The following S100A13 variants were observed in gnomAD, a reference collection of about 807,000 sequenced individuals.
The protein encoded by S100A13 is protein S100-A13.
A neutral mutation model predicts 8.2 loss-of-function variants in S100A13; 6 were observed. The observed-to-expected ratio is 0.73, with a 90% CI of 0.40 to 1.44. The LOEUF (loss-of-function observed/expected upper bound fraction) is 1.44, where lower values mean the gene tolerates loss of function less well. Among genes scored for constraint, S100A13 ranks in the 40% most tolerant of loss-of-function variants. S100A13 has a pLI of 0.02. For missense variants in S100A13, 114 were observed against 113.6 expected (o/e 1.00, Z -0.02); for synonymous variants, 39 against 45.9 (o/e 0.85, Z 0.61).
chr1:153,625,125 C>A (rs1463715360), intron 2 of S100A13, among the ~76,000 whole-genome samples: 1 of 152,090 alleles, frequency 6.6e-6, no homozygotes, highest in African/African-American at 2.4e-5. Flanking sequence ...GTGGTCCCAG[C>A]TACTTGTGAG....
At chr1:153,632,125 C>T (rs1431719112), upstream of S100A13, 1 of 411,490 alleles carries the variant, frequency 2.4e-6, no homozygotes, top group East Asian at 4.2e-5. Flanking sequence ...GGGGAAGTGT[C>T]TTATTTAGAA....
At chr1:153,625,545 T>C (rs918791915) in intron 2 of S100A13, among the ~76,000 whole-genome samples, 2 of 152,156 alleles carry the variant, frequency 1.3e-5, no homozygotes, top group African/African-American at 4.8e-5. Context: ...TACACTGAGG[T>C]CTATGACTCC....
chr1:153,634,310 G>C (rs532428041), upstream of S100A13: 51 of 153,060 alleles, frequency 3.3e-4, no homozygotes, highest in African/African-American at 1.2e-3. Context: ...CGTGGTGGCA[G>C]CCCCGGGAGG....
chr1:153,619,107 C>A, intron 2 of S100A13, 69 bp from the exon 3 acceptor site: 1 of 1,380,842 alleles, frequency 7.2e-7, no homozygotes, highest in East Asian at 2.3e-5. Flanking sequence ...GAGGGAAGAA[C>A]TGTCAGCTGC....
chr1:153,626,460 G>T lies in S100A13; in HGVS notation c.13C>A (p.Pro5Thr), dbSNP rs1667640663. ...ATGGACTCCTCTAGCTCTGTCAGTG[G>T]TTCTGCTGCCATTAGGACCCTGAGG... MAAE[P>T]LTELEESIET... Residue 5 changes from proline to threonine, a missense_variant, in exon 2 of 3, where the codon CCA becomes ACA. Coordinates refer to ENST00000476133, the MANE Select transcript of S100A13 (RefSeq NM_001024211.2). The T allele has an allele frequency of 6.2e-7, 1 of 1,614,086 alleles. No homozygotes were observed. The highest frequency in any genetic ancestry group is 1.7e-5 in the Admixed American group (1 of 60,006).
chr1:153,619,584 T>G (rs947165884), intron 2 of S100A13, among the ~76,000 whole-genome samples: 1 of 151,952 alleles, frequency 6.6e-6, no homozygotes, highest in Non-Finnish European at 1.5e-5. Flanking sequence ...GGGCATGGAG[T>G]ATCTGGGTTT....
upstream of S100A13, among the ~76,000 whole-genome samples, chr1:153,632,676 C>T (rs1001903315): frequency 6.6e-6 from 1 of 151,962 alleles, no homozygotes; most frequent in African/African-American, 2.4e-5. Flanking sequence ...CGATCCTTAC[C>T]CTCACATGGG....
chr1:153,627,199 C>T (rs1667709186), intron 1 of S100A13: 2 of 152,426 alleles, frequency 1.3e-5, no homozygotes, highest in Admixed American at 1.3e-4. Context: ...CCTCCCCGCT[C>T]CTGTCTCCCG....
At chr1:153,629,959 G>T (rs1411273), upstream of S100A13, 94,264 of 155,466 alleles carry the variant, frequency 0.61, 29,347 homozygotes, top group Admixed American at 0.72. Flanking sequence ...CCCAGAAGGC[G>T]TACGCCACCC....
upstream of S100A13, chr1:153,631,471 G>A (rs760830172): frequency 2.4e-5 from 38 of 1,590,242 alleles, no homozygotes; most frequent in Non-Finnish European, 2.6e-5. Flanking sequence ...TATAGGCACT[G>A]AACATACGGT....
chr1:153,623,943 A>G (rs1010951271), intron 2 of S100A13, among the ~76,000 whole-genome samples: 4 of 152,240 alleles, frequency 2.6e-5, no homozygotes, highest in Non-Finnish European at 4.4e-5. Flanking sequence ...AGAGAGAGAC[A>G]GAATCAACGG....
upstream of S100A13, chr1:153,628,748 C>A (rs566673311): frequency 8.6e-6 from 5 of 580,114 alleles, no homozygotes; most frequent in South Asian, 1.7e-4. Context: ...GGGGAACCCA[C>A]CATGAGCTTC....
At chr1:153,628,460 G>A (rs1667807884), upstream of S100A13, 1 of 1,550,756 alleles carries the variant, frequency 6.4e-7, no homozygotes. Flanking sequence ...TTGGCCATCT[G>A]TCCAGAACCT....
upstream of S100A13, chr1:153,628,922 T>A: frequency 5.8e-6 from 1 of 173,286 alleles, no homozygotes; most frequent in East Asian, 1.6e-4. Context: ...CCTGCCAGCC[T>A]TAGTCTCTGC....
rs1263611071 is a variant in S100A13 at position 153,618,902 on chromosome 1, T to C, written c.290A>G (p.Lys97Arg). 6.2e-7 allele frequency: 1 copy of C among 1,614,118 alleles called. No individual in the cohort carries two copies. Among genetic ancestry groups the C allele is most frequent in the African/African-American group, 1.3e-5 (1 of 75,052 alleles). The change falls in exon 3 of 3, where the codon AAG (lysine) becomes AGG (arginine). Residue 97 changes from lysine to arginine, a missense_variant. Transcript: ENST00000476133. ...IRKKKDLKIRKK is the reference protein window; with the variant it reads ...IRKKKDLKIRRK ...CATCTCAGCCAGGCGGCTTTACTTC[T>C]TCCTGATCTTCAGGTCTTTCTTCTT... is the stretch of plus-strand genomic sequence containing the variant.
chr1:153,631,959 C>T (rs1668041658), upstream of S100A13: 5 of 1,176,762 alleles, frequency 4.2e-6, no homozygotes, highest in South Asian at 1.5e-5. Flanking sequence ...CCCACCCCAC[C>T]CCCACCCCCA....
upstream of S100A13, chr1:153,630,526 G>C: frequency 6.2e-7 from 1 of 1,614,182 alleles, no homozygotes; most frequent in Non-Finnish European, 8.5e-7. Flanking sequence ...GCTGCAATGG[G>C]CTCTGAGCTG....
chr1:153,628,003 G>T, upstream of S100A13: 2 of 1,546,132 alleles, frequency 1.3e-6, no homozygotes, highest in South Asian at 2.4e-5. Flanking sequence ...GTCCTGGATT[G>T]AAATCCCTCT....
chr1:153,626,239 C>G (rs1044585762), intron 2 of S100A13, 81 bp downstream of exon 2: 1 of 1,309,052 alleles, frequency 7.6e-7, no homozygotes, highest in Non-Finnish European at 1.1e-6. Flanking sequence ...GTCACCTCAC[C>G]GTACTCGGCA....
Sources: gnomAD v4.1 joint callset for allele counts (sites outside exome capture counted in the v4.1 genomes callset) on GRCh38, gnomAD v4.1.1 for gene constraint, MANE v1.5 for transcripts, NCBI Gene and HGNC (gene_info 2026-07-23, HGNC 2026-07-21) for gene names.